Variants in NFIX observed in about 807,000 individuals in gnomAD.
NFIX encodes the protein nuclear factor 1 X-type.
Under a neutral mutation model 53.3 loss-of-function variants are expected in NFIX, and 2 were observed. The observed-to-expected ratio is 0.04, with a 90% CI of 0.02 to 0.12. The LOEUF (loss-of-function observed/expected upper bound fraction) is 0.12. Ranked by LOEUF, NFIX falls within the 10% of genes least tolerant of loss-of-function variation. The pLI, the probability that NFIX is intolerant of heterozygous loss-of-function variation, is 1.00. For synonymous variants in NFIX, 244 were observed against 289.0 expected, an observed-to-expected ratio of 0.84 and a Z score of 1.58; for missense variants, 310 against 674.5, an observed-to-expected ratio of 0.46 and a Z score of 5.99.
chr19:13,023,938 C>CCA (rs2145186133), intron 1 of NFIX: 1 of 392,690 alleles, frequency 2.5e-6, no homozygotes, highest in East Asian at 7.9e-5. Context: ...TGCTCCTCCT[C>CCA]CTCCCCCCTC....
chr19:13,033,497 C>T (rs923160782), intron 2 of NFIX, among the ~76,000 whole-genome samples: 9 of 152,196 alleles, frequency 5.9e-5, no homozygotes, highest in Non-Finnish European at 1.3e-4. Flanking sequence ...GATGACATGG[C>T]ATGCCACCAC....
At chr19:13,004,870 G>A (rs2011928574) in intron 1 of NFIX, among the ~76,000 whole-genome samples, 2 of 150,580 alleles carry the variant, frequency 1.3e-5, no homozygotes, top group African/African-American at 4.9e-5. Flanking sequence ...AGGCTAGAGT[G>A]TAGTGGTGCA....
rs1421673228 is a variant in NFIX, at chr19:13,040,792, A to C, written c.559+15240A>C. Among the ~76,000 whole-genome samples the C allele has an allele frequency of 6.6e-6, 1 of 152,154 alleles. No homozygotes were observed. Among genetic ancestry groups the C allele is most frequent in the Non-Finnish European group, 1.5e-5 (1 of 68,040 alleles). ...CGCGCACACACACAGCCACTTCTCGAAGCAGATCTTAAAGTTGATTCTGCT... is the reference window on the plus strand; with the variant it reads ...CGCGCACACACACAGCCACTTCTCGCAGCAGATCTTAAAGTTGATTCTGCT... On this transcript the variant is annotated intron_variant, in intron 2 of 10. Coordinates refer to ENST00000592199, the MANE Select transcript of NFIX (RefSeq NM_001365902.3). The surrounding 1 kb of genome is among the most constrained non-coding windows in gnomAD (Gnocchi z 4.2).
rs947480069 is a variant in NFIX, at chr19:13,021,966, C to T, written c.28-3055C>T. 6.6e-6 allele frequency among the ~76,000 whole-genome samples: 1 copy of T among 152,188 alleles called. No homozygotes were observed. The highest frequency in any genetic ancestry group is 1.9e-4 in the East Asian group (1 of 5,182). On this transcript the variant is annotated intron_variant, in intron 1 of 10. Coordinates refer to ENST00000592199, the MANE Select transcript of NFIX (RefSeq NM_001365902.3). This position sits in a 1 kb window ranked among gnomAD's most constrained non-coding sequence, Gnocchi z 4.2. ...TTGGGTTTCTCATTTTATACTTTTGCACTTTGCACTGCTAGGGTTTGGGCT... is the reference window on the plus strand; with the variant it reads ...TTGGGTTTCTCATTTTATACTTTTGTACTTTGCACTGCTAGGGTTTGGGCT...
intron 2 of NFIX, among the ~76,000 whole-genome samples, chr19:13,031,405 C>G (rs527302317): frequency 1.6e-4 from 25 of 152,250 alleles, no homozygotes; most frequent in Non-Finnish European, 3.1e-4. Context: ...GGAAACAGGG[C>G]TACTCTGCAG....
intron 2 of NFIX, among the ~76,000 whole-genome samples, chr19:13,029,946 G>A (rs2013671590): frequency 6.6e-6 from 1 of 152,206 alleles, no homozygotes; most frequent in South Asian, 2.1e-4. Context: ...GCTGGTGCCA[G>A]CGAGGTTCCC....
rs1176693463 is a variant in NFIX, at chr19:13,009,745, G to A, written c.27+13881G>A. ...TACTGATGGGCACTGAAAAACCGAT[G>A]GGCAGTGAGGGCTATCAGAGGGGCA... On this transcript the variant is annotated intron_variant, in intron 1 of 10. Coordinates refer to ENST00000592199, the MANE Select transcript of NFIX (RefSeq NM_001365902.3). This position sits in a 1 kb window ranked among gnomAD's most constrained non-coding sequence, Gnocchi z 4.7. Among the ~76,000 whole-genome samples, 1 of 152,210 alleles carries A rather than the reference G, an allele frequency of 6.6e-6. No homozygotes were observed. The highest frequency in any genetic ancestry group is 1.5e-5 in the Non-Finnish European group (1 of 68,036).
intron 2 of NFIX, among the ~76,000 whole-genome samples, chr19:13,041,624 G>A (rs943201746): frequency 2.6e-4 from 40 of 151,834 alleles, no homozygotes; most frequent in Admixed American, 2.0e-3. Context: ...GTGAAACCCC[G>A]TCTCTACTAA....
chr19:13,087,677 A>G (rs2017859424), intron 8 of NFIX, among the ~76,000 whole-genome samples: 1 of 148,422 alleles, frequency 6.7e-6, no homozygotes, highest in African/African-American at 2.5e-5. Context: ...CGTATTTGCT[A>G]GGTGGCACAT....
Position 12,995,819 on chromosome 19 carries a change from C to A in NFIX, c.-19C>A. Reference sequence around the variant, plus strand: ...CCTCGCCGCGGCCGGCCGCCGCGCTCCCGCCCGGGCGCCCAGCTATGTACT... The same window carrying A: ...CCTCGCCGCGGCCGGCCGCCGCGCTACCGCCCGGGCGCCCAGCTATGTACT... On this transcript the variant is annotated 5_prime_UTR_variant, in exon 1 of 11. Transcript: ENST00000592199. The A allele has an allele frequency of 2.0e-6, 2 of 995,776 alleles. No individual in the cohort carries two copies. The highest frequency in any genetic ancestry group is 4.3e-5 in the South Asian group (1 of 23,486). 61.7% of individuals were successfully genotyped at this position (995,776 alleles called of 1,614,324 possible).
chr19:13,010,527 C>T (rs2012281314), intron 1 of NFIX, among the ~76,000 whole-genome samples: 1 of 152,276 alleles, frequency 6.6e-6, no homozygotes, highest in Admixed American at 6.5e-5. Flanking sequence ...GACATCCCAA[C>T]GACACTGGCT....
At chr19:13,026,645 C>T (rs745534909) in intron 2 of NFIX, among the ~76,000 whole-genome samples, 6 of 152,088 alleles carry the variant, frequency 3.9e-5, no homozygotes, top group Non-Finnish European at 7.3e-5. Flanking sequence ...CCTAAACGGG[C>T]GGCACTCTGT....
At chr19:13,010,261 C>CCCT (rs989231692) in intron 1 of NFIX, among the ~76,000 whole-genome samples, 1 of 152,194 alleles carries the variant, frequency 6.6e-6, no homozygotes, top group Non-Finnish European at 1.5e-5. Context: ...TGGGTCCGGA[C>CCCT]GGCGGCCCTC....
In NFIX at chr19:13,093,815, C is replaced by T. The variant is rs1354568303; in HGVS notation, c.1495-820C>T. On this transcript the variant is annotated intron_variant, in intron 10 of 10. Transcript: ENST00000592199. This position sits in a 1 kb window ranked among gnomAD's most constrained non-coding sequence, Gnocchi z 4.7. ...TAGACCACAGTAGACCCTGACCCAC[C>T]ACTTTGCCAGGAGGTGGGGCTGGAG... Among the ~76,000 whole-genome samples the T allele has an allele frequency of 1.3e-5, 2 of 152,116 alleles. No homozygotes were observed. The highest frequency in any genetic ancestry group is 4.8e-5 in the African/African-American group (2 of 41,406).
chr19:13,058,737 G>A (rs553916625), intron 2 of NFIX, among the ~76,000 whole-genome samples: 26 of 152,020 alleles, frequency 1.7e-4, no homozygotes, highest in Admixed American at 1.2e-3. Flanking sequence ...CTCAGGGCCC[G>A]GATACTGCAG....
intron 1 of NFIX, among the ~76,000 whole-genome samples, chr19:13,020,294 C>T (rs958040993): frequency 2.6e-5 from 4 of 152,158 alleles, no homozygotes; most frequent in East Asian, 1.9e-4. Context: ...GGCTGATGGC[C>T]GCCACCAGTG....
chr19:13,024,920 C>T, intron 1 of NFIX, 101 bp from the exon 2 acceptor site: 2 of 1,474,602 alleles, frequency 1.4e-6, no homozygotes, highest in East Asian at 2.5e-5. Context: ...TTGTGCCCCC[C>T]CTTCTAACGC....
chr19:13,048,314 G>T (rs1210323388), intron 2 of NFIX, among the ~76,000 whole-genome samples: 2 of 152,134 alleles, frequency 1.3e-5, no homozygotes, highest in Non-Finnish European at 1.5e-5. Flanking sequence ...ACTCCTGGCT[G>T]CCCTCTGCTC....
At chr19:13,076,572 C>T (rs563172600) in intron 6 of NFIX, among the ~76,000 whole-genome samples, 1 of 152,294 alleles carries the variant, frequency 6.6e-6, no homozygotes, top group African/African-American at 2.4e-5. Flanking sequence ...TGTGACAGGG[C>T]CTGGGAGTGC....
Sources: allele counts gnomAD v4.1 joint callset (sites outside exome capture counted in the v4.1 genomes callset), GRCh38; gene constraint gnomAD v4.1.1; non-coding constraint Gnocchi (gnomAD v3.1); transcripts MANE v1.5; gene names NCBI Gene and HGNC (gene_info 2026-07-23, HGNC 2026-07-21).